Variants in DZIP1L observed in about 807,000 individuals in gnomAD.
DZIP1L encodes the protein cilium assembly protein DZIP1L.
A neutral mutation model predicts 88.7 loss-of-function variants in DZIP1L; 90 were observed. The observed-to-expected ratio is 1.02, with a 90% confidence interval of 0.86 to 1.21. The LOEUF is 1.21. Ranked by LOEUF, DZIP1L falls within the 50% of genes most tolerant of loss-of-function variation. The probability of loss-of-function intolerance (pLI) is 0.00; values close to 1 mark genes in which losing one functional copy is unlikely to be tolerated. For synonymous variants in DZIP1L, 363 were observed against 372.1 expected, an observed-to-expected ratio of 0.98 and a Z score of 0.28; for missense variants, 932 against 955.8, an observed-to-expected ratio of 0.98 and a Z score of 0.33.
At position 138,092,403 on chromosome 3, in the gene DZIP1L, G is replaced by A. The variant is rs1478652932; in HGVS notation, c.850C>T (p.Gln284Ter). 6 of 1,598,896 alleles carry A rather than the reference G, an allele frequency of 3.8e-6. No individual in the cohort carries two copies. In the South Asian group the frequency reaches 4.6e-5, roughly 12 times the overall value. ...GGTACCTCTTCTAGTGTAGAGTTCT[G>A]CTTGGCGACATTTTTAAATTCATCC... ...FWDEFKNVAK[Q>*]NSTLEEKLRA... Residue 284 changes from glutamine to a stop codon, truncating the protein, a stop_gained, in exon 5 of 16, where the codon CAG becomes TAG. Coordinates refer to ENST00000327532, the MANE Select transcript of DZIP1L (RefSeq NM_173543.3). LOFTEE classifies it high-confidence loss of function.
chr3:138,088,592 A>T (rs1371195816), intron 5 of DZIP1L, 85 bp from the exon 6 acceptor site: 2 of 1,477,400 alleles, frequency 1.4e-6, no homozygotes, highest in Non-Finnish European at 1.8e-6. Context: ...TCAGAGGGGC[A>T]CGCCTTACCC....
Position 138,067,642 on chromosome 3 carries a change from G to A in DZIP1L, c.1891C>T (p.Leu631=), listed in dbSNP as rs777362832. 6.2e-7 allele frequency: 1 copy of A among 1,610,748 alleles called. No homozygotes were observed. Among genetic ancestry groups the A allele is most frequent in the Non-Finnish European group, 8.5e-7 (1 of 1,178,428 alleles). ...CTGGAAGGAACTTTTGGGGGCTGTA[G>A]AGACACACGCTGCACACGGTCTCCC... ...SEGDRVQRVS[L]QPPKVPSRMV... is the part of the protein sequence containing the mutation. Residue 631 remains leucine, a synonymous_variant, in exon 14 of 16, where the codon CTA becomes TTA. Transcript: ENST00000327532.
rs1238818132 is a variant in DZIP1L, at chr3:138,112,857, G to C, written c.-82+2471C>G. Among the ~76,000 whole-genome samples, 4 of 152,268 alleles carry C rather than the reference G, an allele frequency of 2.6e-5. No homozygotes were observed. In the East Asian group the frequency reaches 7.7e-4, roughly 29 times the overall value. ...AGCTACTCGGGAGGCTGAGGCAGGA[G>C]AATCACTTCAACCTGGGAAGCAGAG... On this transcript the variant is annotated intron_variant, in intron 1 of 15. Coordinates refer to ENST00000327532, the MANE Select transcript of DZIP1L (RefSeq NM_173543.3).
At chr3:138,112,484 G>A (rs1461138012) in intron 1 of DZIP1L, 1 of 152,160 alleles carries the variant, frequency 6.6e-6, no homozygotes, top group African/African-American at 2.4e-5. Context: ...ACCCGACTCA[G>A]CTCCACAGCT....
intron 14 of DZIP1L, among the ~76,000 whole-genome samples, chr3:138,066,668 C>T (rs1350485307): frequency 2.0e-5 from 3 of 152,012 alleles, no homozygotes; most frequent in Non-Finnish European, 4.4e-5. Context: ...GCTGAGCACG[C>T]GGTGAGCACC....
chr3:138,085,820 T>C (rs1212297680), intron 7 of DZIP1L, among the ~76,000 whole-genome samples: 3 of 152,150 alleles, frequency 2.0e-5, no homozygotes, highest in African/African-American at 2.4e-5. Context: ...ATGTTTATTG[T>C]GGCACTATTC....
intron 8 of DZIP1L, among the ~76,000 whole-genome samples, chr3:138,082,671 G>C (rs546490469): frequency 6.6e-6 from 1 of 152,320 alleles, no homozygotes; most frequent in Admixed American, 6.5e-5. Context: ...ATTACCTGCA[G>C]TGGCACATGC....
intron 11 of DZIP1L, among the ~76,000 whole-genome samples, chr3:138,074,063 T>C (rs1457879215): frequency 6.6e-6 from 1 of 152,078 alleles, no homozygotes; most frequent in East Asian, 1.9e-4. Flanking sequence ...TGGGACCATG[T>C]TAAACATCCA....
chr3:138,106,178 G>C (rs1341979035), intron 1 of DZIP1L, among the ~76,000 whole-genome samples: 2 of 111,122 alleles, frequency 1.8e-5, no homozygotes, highest in African/African-American at 7.1e-5. Flanking sequence ...TCGCACTGTC[G>C]CCCAGGCTGA....
intron 1 of DZIP1L, among the ~76,000 whole-genome samples, chr3:138,114,909 C>CACCTCATT (rs943764541): frequency 1.3e-5 from 2 of 152,342 alleles, no homozygotes; most frequent in African/African-American, 4.8e-5. Context: ...GCTTTTAAAT[C>CACCTCATT]ACCTCATTAC....
chr3:138,081,550 C>T (rs1943649743), intron 9 of DZIP1L, among the ~76,000 whole-genome samples, 184 bp downstream of exon 9: 1 of 152,254 alleles, frequency 6.6e-6, no homozygotes. Flanking sequence ...CTGCCAGCTG[C>T]ATGGGAAGCC....
intron 6 of DZIP1L, among the ~76,000 whole-genome samples, chr3:138,088,098 T>C (rs879667241): frequency 1.1e-4 from 16 of 152,114 alleles, no homozygotes; most frequent in East Asian, 3.9e-4. Context: ...TTTCTAAGAG[T>C]TGCTTCCAAC....
rs768969494 is a variant in DZIP1L at position 138,080,626 on chromosome 3, G to A, written c.1235-6C>T. The A allele has an allele frequency of 6.2e-7, 1 of 1,613,012 alleles. No homozygotes were observed. The highest frequency in any genetic ancestry group is 8.5e-7 in the Non-Finnish European group (1 of 1,179,518). ...CTTTGGCACCTTGTGGATCCCTGAA[G>A]AGAGGAGGAACAGTTAGTGGCACCA... On this transcript the variant is annotated splice_region_variant and splice_polypyrimidine_tract_variant and intron_variant, in intron 9 of 15. Transcript: ENST00000327532.
At position 138,103,944 on chromosome 3, in the gene DZIP1L, C is replaced by T. The variant is rs2042404033; in HGVS notation, c.28G>A (p.Gly10Ser). The T allele has an allele frequency of 6.2e-7, 1 of 1,612,692 alleles. No individual in the cohort carries two copies. Among genetic ancestry groups the T allele is most frequent in the African/African-American group, 1.3e-5 (1 of 74,944 alleles). Reference protein sequence around the residue: MQSPAATAEGLSGPLFGAYT... With the variant: MQSPAATAESLSGPLFGAYT... ...GCCCCAAAGAGGGGGCCACTGAGGC[C>T]CTCAGCAGTGGCAGCTGGGGACTGC... The change falls in exon 2 of 16, where the codon GGC (glycine) becomes AGC (serine). Residue 10 changes from glycine to serine, a missense_variant. Coordinates refer to ENST00000327532, the MANE Select transcript of DZIP1L (RefSeq NM_173543.3).
intron 11 of DZIP1L, among the ~76,000 whole-genome samples, chr3:138,074,615 C>T (rs1020201469): frequency 1.3e-5 from 2 of 151,412 alleles, no homozygotes; most frequent in South Asian, 4.2e-4. Flanking sequence ...TTTTAGGGTA[C>T]ATGTGCACAA....
intron 7 of DZIP1L, among the ~76,000 whole-genome samples, chr3:138,086,155 C>T (rs1016500450): frequency 4.0e-5 from 6 of 150,760 alleles, no homozygotes; most frequent in Non-Finnish European, 7.4e-5. Context: ...ATACCTAATG[C>T]TAAATGACAA....
At position 138,088,404 on chromosome 3, in the gene DZIP1L, G is replaced by C. The variant is rs561108246; in HGVS notation, c.974C>G (p.Ala325Gly). The C allele has an allele frequency of 6.2e-7, 1 of 1,613,150 alleles. No individual in the cohort carries two copies. The highest frequency in any genetic ancestry group is 1.1e-5 in the South Asian group (1 of 90,942). The change falls in exon 6 of 16, where the codon GCC (alanine) becomes GGC (glycine). Residue 325 changes from alanine (A) to glycine (G), a missense_variant. Ala to Gly is a moderately conservative substitution (Grantham distance 60). Coordinates refer to ENST00000327532, the MANE Select transcript of DZIP1L (RefSeq NM_173543.3). Reference sequence around the variant, plus strand: ...CTGAATTTCTGTCTTCTCTCTCAGGGCCTGAAGCTCCCGTGCCTGCCGAAG... The same window carrying C: ...CTGAATTTCTGTCTTCTCTCTCAGGCCCTGAAGCTCCCGTGCCTGCCGAAG... The part of the protein sequence containing the change: ...EWLRQARELQ[A>G]LREKTEIQKT...
rs1360064590 is a variant in DZIP1L at position 138,091,686 on chromosome 3, AGGAAGGAAGGAGAGGGAGAGAGAAAGAG to A, written c.870+669_870+696del. ...AAGGGAGGGAGAGAGGGAGGGAGGA[AGGAAGGAAGGAGAGGGAGAGAGAAAGAG>A]AGAGAGAAAGAAATAAAATAGCTTT... is the stretch of plus-strand genomic sequence containing the variant. On this transcript the variant is annotated intron_variant, in intron 5 of 15. Coordinates refer to ENST00000327532, the MANE Select transcript of DZIP1L (RefSeq NM_173543.3). 4.1e-4 allele frequency among the ~76,000 whole-genome samples: 16 copies of A among 38,866 alleles called. 1 individual carries two copies. In the East Asian group the frequency reaches 0.012, roughly 28 times the overall value. 25.5% of individuals were successfully genotyped at this position (38,866 alleles called of 152,430 possible).
Position 138,063,608 on chromosome 3 carries a change from G to A in DZIP1L, c.2143-631C>T, listed in dbSNP as rs868335069. 6.6e-6 allele frequency among the ~76,000 whole-genome samples: 1 copy of A among 152,208 alleles called. No homozygotes were observed. Among genetic ancestry groups the A allele is most frequent in the Non-Finnish European group, 1.5e-5 (1 of 68,038 alleles). On this transcript the variant is annotated intron_variant, in intron 15 of 15. Transcript: ENST00000327532. The surrounding 1 kb of genome is among the most constrained non-coding windows in gnomAD (Gnocchi z 4.1). ...TGCCCCTGCTGGCCACCTGGGCTTT[G>A]ATACAAGCCATCCTATGCATCTTCT...
Sources: gnomAD v4.1 joint callset for allele counts (sites outside exome capture counted in the v4.1 genomes callset) on GRCh38, gnomAD v4.1.1 for gene constraint, Gnocchi (gnomAD v3.1) non-coding constraint, MANE v1.5 for transcripts, NCBI Gene and HGNC (gene_info 2026-07-23, HGNC 2026-07-21) for gene names.